Variants in BTBD9 observed in about 807,000 individuals in gnomAD.
BTBD9 encodes the protein BTB domain containing 9.
Under a neutral mutation model 64.3 loss-of-function variants are expected in BTBD9, and 49 were observed. That is an observed-to-expected ratio of 0.76 (90% CI 0.61 to 0.97). The LOEUF is 0.97. Among genes scored for constraint, BTBD9 ranks in the 50% least tolerant of loss-of-function variants. BTBD9 has a pLI of 0.00. For missense variants in BTBD9, 598 were observed against 762.1 expected, an observed-to-expected ratio of 0.78 and a Z score of 2.53; for synonymous variants, 260 against 274.7, an observed-to-expected ratio of 0.95 and a Z score of 0.53.
At chr6:38,383,682 C>G (rs1367535710) in intron 6 of BTBD9, among the ~76,000 whole-genome samples, 5 of 152,140 alleles carry the variant, frequency 3.3e-5, no homozygotes, top group Non-Finnish European at 7.3e-5. Context: ...GAGGAACACA[C>G]CATGTTCACG....
intron 6 of BTBD9, among the ~76,000 whole-genome samples, chr6:38,423,020 T>C (rs148201734): frequency 6.6e-6 from 1 of 152,130 alleles, no homozygotes; most frequent in Non-Finnish European, 1.5e-5. Flanking sequence ...ATCCCAGCAC[T>C]TTGGGAGGCT....
chr6:38,282,296 A>G (rs1761541627), intron 8 of BTBD9, among the ~76,000 whole-genome samples: 1 of 152,348 alleles, frequency 6.6e-6, no homozygotes, highest in Admixed American at 6.5e-5. Context: ...TGAAAATAAA[A>G]TGCGTAACTT....
At chr6:38,593,850 C>T (rs1050933299) in intron 3 of BTBD9, 114 bp downstream of exon 3, 26 of 971,372 alleles carry the variant, frequency 2.7e-5, no homozygotes, top group East Asian at 4.9e-5. Context: ...CCAATGATAA[C>T]GCTTTGATAC....
intron 6 of BTBD9, among the ~76,000 whole-genome samples, chr6:38,373,366 T>C (rs541952208): frequency 6.6e-6 from 1 of 152,350 alleles, no homozygotes; most frequent in African/African-American, 2.4e-5. Context: ...GTGAACTGAA[T>C]ATAAGAATTA....
chr6:38,475,038 C>T (rs972496090), intron 6 of BTBD9, among the ~76,000 whole-genome samples: 5 of 152,122 alleles, frequency 3.3e-5, no homozygotes. Flanking sequence ...AAACACTATA[C>T]ACCCCTCGAA....
intron 4 of BTBD9, chr6:38,587,952 C>A: frequency 2.7e-6 from 2 of 730,248 alleles, no homozygotes; most frequent in South Asian, 2.8e-5. Context: ...TCAGGAACAT[C>A]TGACAGCATT....
chr6:38,473,358 A>C (rs1480253292), intron 6 of BTBD9, among the ~76,000 whole-genome samples: 1 of 152,224 alleles, frequency 6.6e-6, no homozygotes, highest in Non-Finnish European at 1.5e-5. Context: ...AAGGCAGGAG[A>C]TTGGTACTGG....
intron 9 of BTBD9, among the ~76,000 whole-genome samples, chr6:38,206,404 C>G (rs1762653230): frequency 6.6e-6 from 1 of 151,850 alleles, no homozygotes. Flanking sequence ...CCATGCCCAG[C>G]TAATTTTTGT....
chr6:38,582,193 A>T (rs1776319425), intron 4 of BTBD9, among the ~76,000 whole-genome samples: 1 of 152,218 alleles, frequency 6.6e-6, no homozygotes, highest in South Asian at 2.1e-4. Context: ...TAAACAAAAC[A>T]TCCTAGTTAT....
chr6:38,368,234 T>A (rs1268870960), intron 6 of BTBD9, among the ~76,000 whole-genome samples: 5 of 152,202 alleles, frequency 3.3e-5, no homozygotes, highest in African/African-American at 1.2e-4. Flanking sequence ...ACTTTATACA[T>A]AAAAAAGAGG....
chr6:38,568,478 T>C (rs1775619140), intron 6 of BTBD9, among the ~76,000 whole-genome samples: 1 of 152,174 alleles, frequency 6.6e-6, no homozygotes, highest in African/African-American at 2.4e-5. Context: ...GTTCCGCAGC[T>C]CACTTTTGTC....
intron 9 of BTBD9, among the ~76,000 whole-genome samples, chr6:38,233,009 T>G (rs1020159513): frequency 1.3e-5 from 2 of 152,200 alleles, no homozygotes; most frequent in African/African-American, 2.4e-5. Context: ...GGCAGGATGG[T>G]CATGCTTCCT....
At chr6:38,575,239 T>C (rs1775972481) in intron 6 of BTBD9, among the ~76,000 whole-genome samples, 1 of 152,196 alleles carries the variant, frequency 6.6e-6, no homozygotes, top group Admixed American at 6.5e-5. Flanking sequence ...CTTCATTACA[T>C]AGTCATTGCC....
chr6:38,350,119 G>T (rs1196909804), intron 6 of BTBD9, among the ~76,000 whole-genome samples: 1 of 152,076 alleles, frequency 6.6e-6, no homozygotes, highest in East Asian at 1.9e-4. Context: ...TTCTTTTTTT[G>T]TAAGCCCTGG....
intron 6 of BTBD9, among the ~76,000 whole-genome samples, chr6:38,438,580 G>A (rs1043685757): frequency 2.6e-5 from 4 of 152,226 alleles, no homozygotes; most frequent in Admixed American, 6.5e-5. Context: ...AAACCTTTCC[G>A]TCATTTAGGT....
intron 6 of BTBD9, among the ~76,000 whole-genome samples, chr6:38,426,373 C>T (rs1768148521): frequency 2.6e-5 from 4 of 151,954 alleles, no homozygotes; most frequent in Admixed American, 2.6e-4. Flanking sequence ...GGATATAAAC[C>T]CAGGCATTCG....
At chr6:38,177,086 ACACAGGAGC>A (rs1276599274) in intron 10 of BTBD9, among the ~76,000 whole-genome samples, 1 of 152,184 alleles carries the variant, frequency 6.6e-6, no homozygotes, top group Admixed American at 6.5e-5. Context: ...CCCCCTGCTG[ACACAGGAGC>A]TCTTTATCCG....
rs139983506 is a variant in BTBD9 at position 38,391,339 on chromosome 6, T to G, written c.1155-46246A>C. On this transcript the variant is annotated intron_variant, in intron 6 of 10. Transcript: ENST00000481247. ...TTTAAATCAGAGCTGCTCTGGAAAA[T>G]CTAGCACATATAGGTCACAGTACCC... Among the ~76,000 whole-genome samples, 633 of 152,270 alleles carry G rather than the reference T, an allele frequency of 4.2e-3. 3 individuals are homozygous for G. The highest frequency in any genetic ancestry group is 6.5e-3 in the Non-Finnish European group (440 of 68,022).
chr6:38,200,957 T>C (rs1214518832), intron 9 of BTBD9, among the ~76,000 whole-genome samples: 2 of 152,074 alleles, frequency 1.3e-5, no homozygotes, highest in Non-Finnish European at 2.9e-5. Flanking sequence ...GAGTTTGCGA[T>C]TGCAGTGAGC....
Sources: gnomAD v4.1 joint callset for allele counts (sites outside exome capture counted in the v4.1 genomes callset) on GRCh38, gnomAD v4.1.1 for gene constraint, MANE v1.5 for transcripts, NCBI Gene and HGNC (gene_info 2026-07-23, HGNC 2026-07-21) for gene names.